The following THRB variants were observed in gnomAD, a reference collection of about 807,000 sequenced individuals.
THRB encodes the protein nuclear receptor subfamily 1 group A member 2.
A neutral mutation model predicts 47.8 loss-of-function variants in THRB; 12 were observed. The ratio of observed to expected loss-of-function variants is 0.25; its 90% CI spans 0.16 to 0.41. The LOEUF is 0.41. THRB is among the 10% of genes least tolerant of loss of function. The pLI is 1.00. For synonymous variants in THRB, 218 were observed against 212.2 expected (o/e 1.03, Z -0.24); for missense variants, 348 against 589.2 (o/e 0.59, Z 4.24).
chr3:24,226,232 A>G (rs2047638375), intron 4 of THRB, among the ~76,000 whole-genome samples: 1 of 152,198 alleles, frequency 6.6e-6, no homozygotes, highest in South Asian at 2.1e-4. Context: ...CAAAGGAAAA[A>G]TATGCACATT....
At chr3:24,205,580 A>C (rs962143097) in intron 4 of THRB, among the ~76,000 whole-genome samples, 4 of 152,222 alleles carry the variant, frequency 2.6e-5, no homozygotes, top group African/African-American at 4.8e-5. Context: ...TGCTAGAAAG[A>C]AACTGCATCA....
chr3:24,447,462 G>A (rs1023908403), intron 1 of THRB, among the ~76,000 whole-genome samples: 1 of 152,110 alleles, frequency 6.6e-6, no homozygotes, highest in African/African-American at 2.4e-5. Context: ...GGGAGGGTTT[G>A]ATCTCAGAGG....
intron 1 of THRB, among the ~76,000 whole-genome samples, chr3:24,423,006 A>T (rs1380165116): frequency 6.6e-6 from 1 of 151,826 alleles, no homozygotes; most frequent in East Asian, 1.9e-4. Flanking sequence ...CTTCTGTGTA[A>T]AGGGCTGACT....
At chr3:24,136,021 T>C (rs2034628000) in intron 8 of THRB, among the ~76,000 whole-genome samples, 1 of 151,778 alleles carries the variant, frequency 6.6e-6, no homozygotes, top group Non-Finnish European at 1.5e-5. Context: ...TGGCACTGAG[T>C]GTCCTTTGAA....
chr3:24,259,242 G>A (rs988840449), intron 3 of THRB, among the ~76,000 whole-genome samples: 1 of 152,174 alleles, frequency 6.6e-6, no homozygotes, highest in Non-Finnish European at 1.5e-5. Context: ...AATGATTCAG[G>A]AGTTGCTTTA....
intron 1 of THRB, among the ~76,000 whole-genome samples, chr3:24,469,736 G>A (rs1577812114): frequency 6.6e-6 from 1 of 152,224 alleles, no homozygotes; most frequent in East Asian, 1.9e-4. Flanking sequence ...TTAGAGAAAA[G>A]TGTTGAAGAG....
At chr3:24,266,168 A>G (rs2052627290) in intron 3 of THRB, among the ~76,000 whole-genome samples, 1 of 152,230 alleles carries the variant, frequency 6.6e-6, no homozygotes, top group Admixed American at 6.5e-5. Flanking sequence ...AAGTTAGATC[A>G]TAGAGTCTCT....
At chr3:24,370,755 A>G (rs1460318124) in intron 1 of THRB, among the ~76,000 whole-genome samples, 5 of 152,108 alleles carry the variant, frequency 3.3e-5, no homozygotes, top group African/African-American at 1.2e-4. Context: ...CTTCTGACAA[A>G]TTCAGATGGG....
intron 9 of THRB, among the ~76,000 whole-genome samples, 190 bp downstream of exon 9, chr3:24,133,126 T>C (rs1305542369): frequency 1.3e-5 from 2 of 152,210 alleles, no homozygotes; most frequent in African/African-American, 2.4e-5. Flanking sequence ...GACAAGCTAA[T>C]GAATGATGAC....
At position 24,119,095 on chromosome 3, in the gene THRB, A is replaced by G. The variant is rs2148751367; in HGVS notation, c.*3789T>C. 6.6e-6 allele frequency: 1 copy of G among 151,630 alleles called. No individual in the cohort carries two copies. The highest frequency in any genetic ancestry group is 3.4e-3 in the Middle Eastern group (1 of 292). The allele number at this position is 151,630 out of a possible 1,614,324, so 9.4% of individuals were successfully genotyped here. A position where few individuals can be genotyped will look rare whatever the true frequency, so the allele number is the denominator to read the frequency against. On this transcript the variant is annotated 3_prime_UTR_variant, in exon 11 of 11. Coordinates refer to ENST00000646209, the MANE Select transcript of THRB (RefSeq NM_001354712.2). Reference sequence around the variant, plus strand: ...CCGGGCAAATCCTTACCTGGATAATAAATATCTACATCACAGTACAATAAA... The same window carrying G: ...CCGGGCAAATCCTTACCTGGATAATGAATATCTACATCACAGTACAATAAA...
At chr3:24,377,494 T>C (rs1202713806) in intron 1 of THRB, among the ~76,000 whole-genome samples, 1 of 152,142 alleles carries the variant, frequency 6.6e-6, no homozygotes, top group Non-Finnish European at 1.5e-5. Flanking sequence ...GTTCTAGGGA[T>C]GGGGAAATAG....
At chr3:24,238,613 A>G (rs1005230828) in intron 3 of THRB, among the ~76,000 whole-genome samples, 2 of 152,134 alleles carry the variant, frequency 1.3e-5, no homozygotes, top group African/African-American at 4.8e-5. Context: ...CCTTGATAGT[A>G]TCATCTGAAA....
At chr3:24,418,312 A>C (rs2068931191) in intron 1 of THRB, among the ~76,000 whole-genome samples, 1 of 150,762 alleles carries the variant, frequency 6.6e-6, no homozygotes, top group African/African-American at 2.4e-5. Flanking sequence ...AGCTATGACC[A>C]TAAGACTTTT....
intron 4 of THRB, among the ~76,000 whole-genome samples, chr3:24,208,205 A>T (rs1419537033): frequency 6.6e-6 from 1 of 152,184 alleles, no homozygotes; most frequent in South Asian, 2.1e-4. Flanking sequence ...AAGAGGACAC[A>T]AACAAATGGA....
At chr3:24,188,401 G>T (rs901583816) in intron 5 of THRB, among the ~76,000 whole-genome samples, 3 of 152,184 alleles carry the variant, frequency 2.0e-5, no homozygotes, top group African/African-American at 7.2e-5. Flanking sequence ...AGCTCAAATA[G>T]ATCAGTCTCA....
At chr3:24,360,517 G>A (rs533984617) in intron 1 of THRB, among the ~76,000 whole-genome samples, 4 of 152,204 alleles carry the variant, frequency 2.6e-5, no homozygotes, top group African/African-American at 9.6e-5. Context: ...CTGCACACTG[G>A]AATCCCATGG....
intron 1 of THRB, among the ~76,000 whole-genome samples, chr3:24,488,947 G>A (rs1487018344): frequency 6.6e-6 from 1 of 152,168 alleles, no homozygotes; most frequent in Non-Finnish European, 1.5e-5. Flanking sequence ...ATCGATGGAT[G>A]TTGGTCAATC....
At chr3:24,143,171 G>T (rs55640600) in intron 8 of THRB, among the ~76,000 whole-genome samples, 2 of 152,124 alleles carry the variant, frequency 1.3e-5, no homozygotes, top group East Asian at 3.8e-4. Flanking sequence ...AATGGGTATA[G>T]AAAGTAAAAG....
At chr3:24,488,466 T>C (rs758716921) in intron 1 of THRB, among the ~76,000 whole-genome samples, 20 of 151,982 alleles carry the variant, frequency 1.3e-4, no homozygotes, top group African/African-American at 2.4e-4. Flanking sequence ...AAAAATTGGA[T>C]AAAACATGCA....
Sources: allele counts gnomAD v4.1 joint callset (sites outside exome capture counted in the v4.1 genomes callset), GRCh38; gene constraint gnomAD v4.1.1; transcripts MANE v1.5; gene names NCBI Gene and HGNC (gene_info 2026-07-23, HGNC 2026-07-21).